Variants in GTF2IRD1 observed in about 807,000 individuals in gnomAD.
GTF2IRD1 encodes GTF2I repeat domain containing 1, also known as general transcription factor II-I repeat domain-containing protein 1.
Under a neutral mutation model 113.2 loss-of-function variants are expected in GTF2IRD1, and 26 were observed. The ratio of observed to expected loss-of-function variants is 0.23; its 90% CI spans 0.17 to 0.32. The LOEUF (loss-of-function observed/expected upper bound fraction) is 0.32, where lower values mean the gene tolerates loss of function less well. Ranked by LOEUF, GTF2IRD1 falls within the 10% of genes least tolerant of loss-of-function variation. GTF2IRD1 has a pLI of 1.00. For synonymous variants in GTF2IRD1, 484 were observed against 529.1 expected, an observed-to-expected ratio of 0.91 and a Z score of 1.17; for missense variants, 864 against 1,280.8, an observed-to-expected ratio of 0.67 and a Z score of 4.97.
chr7:74,546,695 G>A (rs1218007390), intron 16 of GTF2IRD1, among the ~76,000 whole-genome samples: 1 of 152,210 alleles, frequency 6.6e-6, no homozygotes, highest in African/African-American at 2.4e-5. Flanking sequence ...AGCGTGTGGG[G>A]TTGCTTATGG....
Position 74,562,555 on chromosome 7 carries a change from CTTTTTTTTTT to C in GTF2IRD1, c.2320+2920_2320+2929del, listed in dbSNP as rs1167468655. Among the ~76,000 whole-genome samples the C allele has an allele frequency of 6.2e-3, 390 of 62,718 alleles. 4 individuals carry two copies. Among genetic ancestry groups the C allele is most frequent in the South Asian group, 0.019 (27 of 1,428 alleles). 41.1% of individuals were successfully genotyped at this position (62,718 alleles called of 152,430 possible). A position where few individuals can be genotyped will look rare whatever the true frequency, so the allele number is the denominator to read the frequency against. ...AGGACTATTTTCCGCCAATTGCCCT[CTTTTTTTTTT>C]TTTTTTTTTTTTTTTTTTTGAGATG... On this transcript the variant is annotated intron_variant, in intron 22 of 26. Transcript: ENST00000424337.
chr7:74,591,242 T>G (rs1301747975), intron 24 of GTF2IRD1, among the ~76,000 whole-genome samples: 2 of 152,008 alleles, frequency 1.3e-5, no homozygotes, highest in African/African-American at 2.4e-5. Flanking sequence ...ACAAAACATG[T>G]TTTAATTAAA....
chr7:74,593,020 G>A (rs1802157263), intron 24 of GTF2IRD1, among the ~76,000 whole-genome samples: 1 of 151,242 alleles, frequency 6.6e-6, no homozygotes, highest in African/African-American at 2.4e-5. Context: ...ACCACACCTG[G>A]CTAATTTTTG....
intron 1 of GTF2IRD1, among the ~76,000 whole-genome samples, chr7:74,473,383 C>G (rs1481731933): frequency 1.3e-5 from 2 of 151,764 alleles, no homozygotes; most frequent in Non-Finnish European, 2.9e-5. Flanking sequence ...GCTCTGGAAA[C>G]TTCTGTGAGG....
chr7:74,526,176 G>A (rs1442868849), intron 8 of GTF2IRD1, among the ~76,000 whole-genome samples: 1 of 152,266 alleles, frequency 6.6e-6, no homozygotes, highest in African/African-American at 2.4e-5. Flanking sequence ...CCAGGCCAGT[G>A]TTCTGGCCTG....
chr7:74,476,084 G>T (rs1334218142), intron 1 of GTF2IRD1, among the ~76,000 whole-genome samples: 1 of 152,144 alleles, frequency 6.6e-6, no homozygotes, highest in East Asian at 1.9e-4. Context: ...AATGCCTGGT[G>T]GTGGTGAGGG....
chr7:74,525,714 G>A (rs782619134), intron 8 of GTF2IRD1, among the ~76,000 whole-genome samples: 1 of 151,350 alleles, frequency 6.6e-6, no homozygotes, highest in Non-Finnish European at 1.5e-5. Flanking sequence ...CCGAGATCAC[G>A]CCACTGCACT....
chr7:74,489,067 A>ACTG (rs1554336145), intron 1 of GTF2IRD1, among the ~76,000 whole-genome samples: 1 of 151,138 alleles, frequency 6.6e-6, no homozygotes, highest in Non-Finnish European at 1.5e-5. Flanking sequence ...ATTTGAACCC[A>ACTG]GGAGGCAGAA....
At chr7:74,515,056 C>CAAAAAAAAAAAAA (rs782246030) in intron 3 of GTF2IRD1, among the ~76,000 whole-genome samples, 1 of 66,796 alleles carries the variant, frequency 1.5e-5, no homozygotes, top group Non-Finnish European at 2.9e-5. Flanking sequence ...GACTCTGTCT[C>CAAAAAAAAAAAAA]AAAAAAAAAA....
intron 1 of GTF2IRD1, among the ~76,000 whole-genome samples, chr7:74,462,581 G>A (rs1793443443): frequency 6.6e-6 from 1 of 152,198 alleles, no homozygotes; most frequent in Non-Finnish European, 1.5e-5. Flanking sequence ...CTCCTCTCTA[G>A]GGAAATCTAG....
At chr7:74,548,974 CTG>C (rs1427631946) in intron 17 of GTF2IRD1, among the ~76,000 whole-genome samples, 1 of 151,914 alleles carries the variant, frequency 6.6e-6, no homozygotes, top group African/African-American at 2.4e-5. Context: ...TTCTGTGTTA[CTG>C]TAATAGCACA....
In GTF2IRD1 at chr7:74,589,888, C is replaced by A. The variant is rs1449327416; in HGVS notation, c.2358C>A (p.Ile786=). ...CCAACAGACTCGGGGAGAAGGTGATCCTGCGGGAGCAGGTGAAGGAACTCT... is the reference window on the plus strand; with the variant it reads ...CCAACAGACTCGGGGAGAAGGTGATACTGCGGGAGCAGGTGAAGGAACTCT... The part of the protein sequence containing the change: ...DDANRLGEKV[I]LREQVKELFN... The change falls in exon 23 of 27, where the codon ATC becomes ATA. Residue 786 remains isoleucine (I), a synonymous_variant. Transcript: ENST00000424337. The A allele has an allele frequency of 3.7e-6, 6 of 1,612,132 alleles. No homozygotes were observed. Among genetic ancestry groups the A allele is most frequent in the Non-Finnish European group, 5.1e-6 (6 of 1,178,492 alleles).
chr7:74,577,395 C>T (rs115110664), intron 22 of GTF2IRD1, among the ~76,000 whole-genome samples: 1,584 of 152,252 alleles, frequency 0.01, 27 homozygotes, highest in African/African-American at 0.037. Context: ...CTCACACACA[C>T]GCGCACACAC....
chr7:74,469,084 CAAA>C (rs11337115), intron 1 of GTF2IRD1, among the ~76,000 whole-genome samples: 3 of 140,508 alleles, frequency 2.1e-5, no homozygotes, highest in Admixed American at 7.1e-5. Context: ...GACTCCATCT[CAAA>C]AAAAAAAAAA....
chr7:74,587,573 C>T (rs1264455534), intron 22 of GTF2IRD1, among the ~76,000 whole-genome samples: 6 of 152,280 alleles, frequency 3.9e-5, no homozygotes, highest in East Asian at 3.9e-4. Flanking sequence ...TCACCCTTAC[C>T]GAACCCGCCT....
At chr7:74,563,247 G>A (rs10256306) in intron 22 of GTF2IRD1, among the ~76,000 whole-genome samples, 15,802 of 152,090 alleles carry the variant, frequency 0.1, 1,364 homozygotes, top group East Asian at 0.36. Flanking sequence ...CCAGGAGGGT[G>A]AGGCTTCGGG....
rs782298691 is a variant in GTF2IRD1 at position 74,589,819 on chromosome 7, A to G, written c.2321-32A>G. ...CAGGTCCAGTGGCTAAGCTGGTGCCAACTCTCATGCCCCCTTGTCTTCCTC... is the reference window on the plus strand; with the variant it reads ...CAGGTCCAGTGGCTAAGCTGGTGCCGACTCTCATGCCCCCTTGTCTTCCTC... On this transcript the variant is annotated intron_variant, in intron 22 of 26. Transcript: ENST00000424337. 21 of 1,439,788 alleles carry G rather than the reference A, an allele frequency of 1.5e-5. No individual in the cohort carries two copies. The Admixed American group carries it at 3.5e-4, about 24-fold the overall frequency. The allele number at this position is 1,439,788 out of a possible 1,614,324, so 89.2% of individuals were successfully genotyped here. A position where few individuals can be genotyped will look rare whatever the true frequency, so the allele number is the denominator to read the frequency against.
At position 74,557,630 on chromosome 7, in the gene GTF2IRD1, G is replaced by A. The variant is rs201811334; in HGVS notation, c.2024-9G>A. 5.2e-5 allele frequency: 83 copies of A among 1,608,352 alleles called. No individual in the cohort carries two copies. Among genetic ancestry groups the A allele is most frequent in the Middle Eastern group, 1.7e-4 (1 of 6,050 alleles). ...CAGCCCAAACCCATAATCGTTTTGC[G>A]CTTTGCAGAAAATTATGACGCGAGG... On this transcript the variant is annotated splice_polypyrimidine_tract_variant and intron_variant, in intron 19 of 26. Coordinates refer to ENST00000424337, the MANE Select transcript of GTF2IRD1 (RefSeq NM_005685.4).
intron 22 of GTF2IRD1, among the ~76,000 whole-genome samples, chr7:74,581,465 G>T (rs1291441417): frequency 6.6e-6 from 1 of 152,218 alleles, no homozygotes; most frequent in African/African-American, 2.4e-5. Context: ...TGAAGGGCCC[G>T]GTATTGCTCC....
Sources: allele counts gnomAD v4.1 joint callset (sites outside exome capture counted in the v4.1 genomes callset), GRCh38; gene constraint gnomAD v4.1.1; transcripts MANE v1.5; gene names NCBI Gene and HGNC (gene_info 2026-07-23, HGNC 2026-07-21).